The following KLHL4 variants were observed in gnomAD, a reference collection of about 807,000 sequenced individuals.
KLHL4 encodes the protein kelch-like protein 4.
A neutral mutation model predicts 45.8 loss-of-function variants in KLHL4; 17 were observed. The ratio of observed to expected loss-of-function variants is 0.37; its 90% CI spans 0.25 to 0.56. KLHL4 has a LOEUF of 0.56. Among genes scored for constraint, KLHL4 ranks in the 20% least tolerant of loss-of-function variants. The probability of loss-of-function intolerance (pLI) is 0.79; values close to 1 mark genes in which losing one functional copy is unlikely to be tolerated. For missense variants in KLHL4, 544 were observed against 544.9 expected, an observed-to-expected ratio of 1.00 and a Z score of 0.02; for synonymous variants, 224 against 189.9, an observed-to-expected ratio of 1.18 and a Z score of -1.47.
intron 9 of KLHL4, among the ~76,000 whole-genome samples, chrX:87,654,206 C>T (rs982871804): frequency 4.5e-5 from 5 of 111,554 alleles, no homozygotes; most frequent in Non-Finnish European, 7.5e-5. Flanking sequence ...GGACCTATTG[C>T]AAAGTGGAGA....
At chrX:87,617,143 C>T (rs756961661) in intron 3 of KLHL4, among the ~76,000 whole-genome samples, 7 of 110,689 alleles carry the variant, frequency 6.3e-5, no homozygotes, top group African/African-American at 2.0e-4. Flanking sequence ...TAAATATAAA[C>T]GGACTAACTC....
At chrX:87,607,720 C>T (rs1922244026) in intron 1 of KLHL4, among the ~76,000 whole-genome samples, 1 of 111,573 alleles carries the variant, frequency 9.0e-6, no homozygotes, top group Non-Finnish European at 1.9e-5. Context: ...TCATAAACGG[C>T]TCTTCTTCAC....
At position 87,666,870 on chromosome X, in the gene KLHL4, T is replaced by C. The variant is rs1924386904; in HGVS notation, c.*336T>C. The C allele has an allele frequency of 1.3e-6, 1 of 746,917 alleles. No homozygotes were observed. The highest frequency in any genetic ancestry group is 1.6e-6 in the Non-Finnish European group (1 of 627,225). The allele number at this position is 746,917 out of a possible 1,213,427, so 61.6% of individuals were successfully genotyped here. A position where few individuals can be genotyped will look rare whatever the true frequency, so the allele number is the denominator to read the frequency against. On this transcript the variant is annotated 3_prime_UTR_variant, in exon 11 of 11. Transcript: ENST00000373119. ...AGTGTGCAGGTTATAAAAGCATTAATACATTTCAAGGTAAGAGCCTTAAAA... is the reference window on the plus strand; with the variant it reads ...AGTGTGCAGGTTATAAAAGCATTAACACATTTCAAGGTAAGAGCCTTAAAA...
chrX:87,602,432 G>T lies in KLHL4; in HGVS notation c.423-11445G>T, dbSNP rs190736675. Among the ~76,000 whole-genome samples, 7 of 110,462 alleles carry T rather than the reference G, an allele frequency of 6.3e-5. No homozygotes were observed. The Admixed American group carries it at 6.8e-4, about 11-fold the overall frequency. On this transcript the variant is annotated intron_variant, in intron 1 of 10. Coordinates refer to ENST00000373119, the MANE Select transcript of KLHL4 (RefSeq NM_019117.5). ...CCATTCACAGTAAATGTCCAATATT[G>T]GTATACCATTTTTTTATATTTTGTA... is the stretch of plus-strand genomic sequence containing the variant.
At chrX:87,662,818 T>C (rs945312703) in intron 9 of KLHL4, among the ~76,000 whole-genome samples, 90 of 107,976 alleles carry the variant, frequency 8.3e-4, no homozygotes, top group Non-Finnish European at 1.6e-3. Flanking sequence ...TAGTCCCAGC[T>C]ACTTGGGAGG....
At chrX:87,653,602 C>T (rs1923891859) in intron 9 of KLHL4, among the ~76,000 whole-genome samples, 1 of 111,526 alleles carries the variant, frequency 9.0e-6, no homozygotes, top group African/African-American at 3.3e-5. Flanking sequence ...CCAGAAATAC[C>T]ATTTGACCCA....
intron 1 of KLHL4, among the ~76,000 whole-genome samples, chrX:87,526,521 G>C (rs1383915582): frequency 8.9e-6 from 1 of 111,940 alleles, no homozygotes; most frequent in Non-Finnish European, 1.9e-5. Flanking sequence ...AGCTCCATAG[G>C]CATTCAAAGA....
chrX:87,634,389 T>G (rs1923194304), intron 8 of KLHL4, among the ~76,000 whole-genome samples: 1 of 111,775 alleles, frequency 8.9e-6, no homozygotes, highest in South Asian at 3.8e-4. Flanking sequence ...TCCTGAATAT[T>G]TACCTCTTCC....
chrX:87,660,243 T>C (rs939301675), intron 9 of KLHL4, among the ~76,000 whole-genome samples: 1 of 111,502 alleles, frequency 9.0e-6, no homozygotes, highest in Admixed American at 9.6e-5. Context: ...CCAGAGAATG[T>C]ACACAGATAT....
At chrX:87,551,355 CACAA>C (rs1203510164) in intron 1 of KLHL4, among the ~76,000 whole-genome samples, 2 of 111,145 alleles carry the variant, frequency 1.8e-5, no homozygotes, top group Admixed American at 9.6e-5. Flanking sequence ...TCATAGATGA[CACAA>C]ACAAATAAAA....
intron 6 of KLHL4, among the ~76,000 whole-genome samples, chrX:87,628,861 A>G (rs1923017050): frequency 8.9e-6 from 1 of 112,001 alleles, no homozygotes; most frequent in Non-Finnish European, 1.9e-5. Context: ...GCTAACTATA[A>G]CTCCTACAAT....
At position 87,613,909 on chromosome X, in the gene KLHL4, C is replaced by T. The variant is rs1157995144; in HGVS notation, c.455C>T (p.Ala152Val). 8.3e-7 allele frequency: 1 copy of T among 1,200,357 alleles called. No individual in the cohort carries two copies. The highest frequency in any genetic ancestry group is 1.1e-6 in the Non-Finnish European group (1 of 889,216). Residue 152 changes from alanine to valine, a missense_variant, in exon 2 of 11, where the codon GCC (alanine) becomes GTC (valine). Ala to Val is a moderately conservative substitution (Grantham distance 64). Coordinates refer to ENST00000373119, the MANE Select transcript of KLHL4 (RefSeq NM_019117.5). ...LDTQHSEDMN[A>V]TRSEEQFHVI... ...ACACAACACTCTGAAGACATGAATGCCACCAGATCTGAAGAGCAGTTCCAT... is the reference window on the plus strand; with the variant it reads ...ACACAACACTCTGAAGACATGAATGTCACCAGATCTGAAGAGCAGTTCCAT...
chrX:87,646,454 T>G (rs1453864246), intron 9 of KLHL4, among the ~76,000 whole-genome samples: 2 of 110,913 alleles, frequency 1.8e-5, no homozygotes, highest in Non-Finnish European at 3.8e-5. Flanking sequence ...CTAAGCAAAA[T>G]GAACAAATCT....
intron 1 of KLHL4, among the ~76,000 whole-genome samples, chrX:87,576,758 A>G (rs1192946167): frequency 9.0e-6 from 1 of 111,620 alleles, no homozygotes; most frequent in African/African-American, 3.2e-5. Flanking sequence ...GATCAATTGT[A>G]TGCAGTCTTA....
intron 1 of KLHL4, among the ~76,000 whole-genome samples, chrX:87,535,378 G>A (rs1157794803): frequency 8.9e-6 from 1 of 111,732 alleles, no homozygotes; most frequent in Non-Finnish European, 1.9e-5. Context: ...CTTAGATTAG[G>A]CTGATCACAA....
intron 9 of KLHL4, among the ~76,000 whole-genome samples, chrX:87,640,408 T>C (rs1923413086): frequency 9.0e-6 from 1 of 111,250 alleles, no homozygotes; most frequent in Non-Finnish European, 1.9e-5. Context: ...TACAGCCCAA[T>C]ATCCATGATG....
At chrX:87,547,891 A>G (rs955980878) in intron 1 of KLHL4, among the ~76,000 whole-genome samples, 19 of 111,863 alleles carry the variant, frequency 1.7e-4, no homozygotes, top group Admixed American at 8.6e-4. Flanking sequence ...AAAAGGGCAG[A>G]TCTTAAAGTT....
At chrX:87,547,490 A>G (rs1931708214) in intron 1 of KLHL4, among the ~76,000 whole-genome samples, 1 of 111,501 alleles carries the variant, frequency 9.0e-6, no homozygotes, top group African/African-American at 3.3e-5. Flanking sequence ...ACATGGGAAA[A>G]CAGACTAAAA....
intron 1 of KLHL4, among the ~76,000 whole-genome samples, chrX:87,568,656 C>T (rs1482290534): frequency 9.1e-6 from 1 of 110,211 alleles, no homozygotes; most frequent in Non-Finnish European, 1.9e-5. Flanking sequence ...GACATATAGA[C>T]CAACAAAATA....
Sources: allele counts gnomAD v4.1 joint callset (sites outside exome capture counted in the v4.1 genomes callset), GRCh38; gene constraint gnomAD v4.1.1; transcripts MANE v1.5; gene names NCBI Gene and HGNC (gene_info 2026-07-23, HGNC 2026-07-21).